Variants in GSDMC observed in about 807,000 individuals in gnomAD.
GSDMC encodes the protein gasdermin C, also known as gasdermin-C.
Under a neutral mutation model 58.0 loss-of-function variants are expected in GSDMC, and 59 were observed. That is an observed-to-expected ratio of 1.02 (90% CI 0.82 to 1.26). GSDMC has a LOEUF of 1.26. GSDMC is among the 50% of genes most tolerant of loss of function. The pLI, the probability that GSDMC is intolerant of heterozygous loss-of-function variation, is 0.00. For missense variants in GSDMC, 659 were observed against 598.5 expected, an observed-to-expected ratio of 1.10 and a Z score of -1.06; for synonymous variants, 241 against 220.2, an observed-to-expected ratio of 1.09 and a Z score of -0.83.
chr8:129,765,343 T>C (rs770155011), intron 4 of GSDMC, among the ~76,000 whole-genome samples: 1 of 152,206 alleles, frequency 6.6e-6, no homozygotes, highest in Non-Finnish European at 1.5e-5. Context: ...TTCTGCAGAA[T>C]TTATCATTTA....
chr8:129,767,751 C>T (rs1023250219), intron 3 of GSDMC, among the ~76,000 whole-genome samples: 2 of 152,148 alleles, frequency 1.3e-5, no homozygotes, highest in Admixed American at 6.5e-5. Context: ...GAGACCACCA[C>T]CAATTACAAA....
At chr8:129,741,351 T>C in the GSDMC span, among the ~76,000 whole-genome samples, 1 of 152,110 alleles carries the variant, frequency 6.6e-6, no homozygotes, top group East Asian at 1.9e-4. Flanking sequence ...GTATATGAAT[T>C]TGGGGGTTTT....
the GSDMC span, among the ~76,000 whole-genome samples, chr8:129,718,882 A>G: frequency 6.6e-6 from 1 of 152,244 alleles, no homozygotes; most frequent in African/African-American, 2.4e-5. Flanking sequence ...TGTCCTTTGC[A>G]GGGACATGGG....
intron 8 of GSDMC, 102 bp downstream of exon 8, chr8:129,752,004 C>T: frequency 1.4e-6 from 2 of 1,455,908 alleles, no homozygotes; most frequent in East Asian, 4.5e-5. Flanking sequence ...CCCTTTTCCC[C>T]AGAGGCCAGA....
the GSDMC span, among the ~76,000 whole-genome samples, chr8:129,708,118 C>T: frequency 6.6e-6 from 1 of 152,194 alleles, no homozygotes; most frequent in Non-Finnish European, 1.5e-5. Flanking sequence ...TTGGACTCCA[C>T]TTACAAAACG....
At chr8:129,732,754 C>T in the GSDMC span, among the ~76,000 whole-genome samples, 7 of 152,172 alleles carry the variant, frequency 4.6e-5, no homozygotes, top group African/African-American at 7.2e-5. Context: ...ATGCAGAAGA[C>T]GGGTGATTTC....
chr8:129,749,603 C>A lies in GSDMC; in HGVS notation c.1214-78G>T, dbSNP rs545424219. ...CCTCCCACCATAAAGCAGGAGACCCCCTGAGAGAATAACTCCAAGGCAGAG... is the reference window on the plus strand; with the variant it reads ...CCTCCCACCATAAAGCAGGAGACCCACTGAGAGAATAACTCCAAGGCAGAG... On this transcript the variant is annotated intron_variant, in intron 12 of 13. Transcript: ENST00000276708. The A allele has an allele frequency of 1.3e-3, 1,334 of 1,043,000 alleles. 2 individuals carry two copies. The highest frequency in any genetic ancestry group is 1.8e-3 in the Non-Finnish European group (1,219 of 662,694). 64.6% of individuals were successfully genotyped at this position (1,043,000 alleles called of 1,614,324 possible). A position where few individuals can be genotyped will look rare whatever the true frequency, so the allele number is the denominator to read the frequency against.
chr8:129,750,610 A>C (rs773226401), intron 10 of GSDMC, 40 bp from the exon 11 acceptor site: 2 of 1,601,828 alleles, frequency 1.2e-6, no homozygotes, highest in South Asian at 1.1e-5. Context: ...AGTGGGGACA[A>C]GTCTTTGATT....
At position 129,780,120 on chromosome 8, in the gene GSDMC, G is replaced by A. The variant is rs114661590; in HGVS notation, c.-4-2529C>T. ...AAAAGAATGAAGCATGCTACAAGAT[G>A]TAGAAAATAGCCTCAAAAGGGCAAT... On this transcript the variant is annotated intron_variant, in intron 1 of 13. Transcript: ENST00000276708. 4.3e-3 allele frequency among the ~76,000 whole-genome samples: 651 copies of A among 152,236 alleles called. 9 individuals carry two copies. The highest frequency in any genetic ancestry group is 0.015 in the African/African-American group (618 of 41,542).
chr8:129,729,893 G>C, the GSDMC span: 1 of 1,187,218 alleles, frequency 8.4e-7, no homozygotes, highest in South Asian at 1.2e-5. Flanking sequence ...AACCTACTGA[G>C]ATTAATCTGG....
At chr8:129,762,286 T>C (rs765976356) in intron 5 of GSDMC, among the ~76,000 whole-genome samples, 1 of 152,196 alleles carries the variant, frequency 6.6e-6, no homozygotes, top group African/African-American at 2.4e-5. Flanking sequence ...CTGTGGCTGA[T>C]GAGTTGCTGA....
At chr8:129,715,626 T>A in the GSDMC span, among the ~76,000 whole-genome samples, 1 of 152,088 alleles carries the variant, frequency 6.6e-6, no homozygotes, top group Non-Finnish European at 1.5e-5. Context: ...TTTACAGATA[T>A]ATGAAAACTA....
chr8:129,723,279 C>T, the GSDMC span, among the ~76,000 whole-genome samples: 45 of 152,124 alleles, frequency 3.0e-4, 1 homozygote, highest in East Asian at 8.1e-3. Flanking sequence ...CTCTCTCTGT[C>T]GCCCAAGCTG....
At chr8:129,729,863 A>G in the GSDMC span, 6 of 868,618 alleles carry the variant, frequency 6.9e-6, no homozygotes, top group South Asian at 8.6e-5. Context: ...TAGCACCATG[A>G]CTGTAAGCAG....
the GSDMC span, chr8:129,728,832 G>A: frequency 1.7e-6 from 1 of 590,096 alleles, no homozygotes; most frequent in Admixed American, 2.4e-5. Flanking sequence ...CCTGAGCTGA[G>A]GTAGCCCGCT....
chr8:129,770,366 C>T (rs1419478533), intron 3 of GSDMC, among the ~76,000 whole-genome samples: 1 of 152,124 alleles, frequency 6.6e-6, no homozygotes, highest in African/African-American at 2.4e-5. Context: ...TGTGGTGGCA[C>T]ACACCTATAG....
chr8:129,707,198 A>AGG, the GSDMC span: 2 of 152,146 alleles, frequency 1.3e-5, no homozygotes, highest in African/African-American at 2.4e-5. Flanking sequence ...TAGAAAAAAA[A>AGG]AAAAAAAGCC....
In GSDMC at chr8:129,750,438, A is replaced by G; in HGVS notation, c.1076T>C (p.Met359Thr). The change falls in exon 11 of 14, where the codon ATG becomes ACG. Residue 359 changes from methionine (M) to threonine (T), a missense_variant. Met to Thr is a moderately conservative substitution (Grantham distance 81). Coordinates refer to ENST00000276708, the MANE Select transcript of GSDMC (RefSeq NM_031415.3). ...AACTGTGGAGCCCCTCACCATGTTC[A>G]TCAGGTCCTGTAGAGCCCCTCTGTC... ...LRDRGALQDLMNMLELDSSGH... is the reference protein window; with the variant it reads ...LRDRGALQDLTNMLELDSSGH... The G allele has an allele frequency of 6.2e-7, 1 of 1,613,504 alleles. No individual in the cohort carries two copies. Among genetic ancestry groups the G allele is most frequent in the Non-Finnish European group, 8.5e-7 (1 of 1,179,764 alleles).
chr8:129,779,658 A>C (rs1252548876), intron 1 of GSDMC, among the ~76,000 whole-genome samples: 2 of 151,718 alleles, frequency 1.3e-5, no homozygotes, highest in Non-Finnish European at 2.9e-5. Flanking sequence ...AAAAGAAAGA[A>C]AATGTAAGTC....
Sources: allele counts gnomAD v4.1 joint callset (sites outside exome capture counted in the v4.1 genomes callset), GRCh38; gene constraint gnomAD v4.1.1; transcripts MANE v1.5; gene names NCBI Gene and HGNC (gene_info 2026-07-23, HGNC 2026-07-21).